BASP1: variants seen among roughly 807,000 people sequenced by gnomAD.
BASP1 encodes brain acid soluble protein 1.
BASP1 carries 1 observed loss-of-function variant against 2.2 expected under a neutral mutation model. The ratio of observed to expected loss-of-function variants is 0.46; its 90% CI spans 0.16 to 2.17. The LOEUF (loss-of-function observed/expected upper bound fraction) is 2.17, where lower values mean the gene tolerates loss of function less well. BASP1 is among the 30% of genes most tolerant of loss of function. The pLI is 0.27. For synonymous variants in BASP1, 187 were observed against 154.2 expected, an observed-to-expected ratio of 1.21 and a Z score of -1.58; for missense variants, 352 against 327.2, an observed-to-expected ratio of 1.08 and a Z score of -0.58.
intron 1 of BASP1, among the ~76,000 whole-genome samples, chr5:17,254,223 G>C (rs1740156774): frequency 6.6e-6 from 1 of 152,148 alleles, no homozygotes; most frequent in African/African-American, 2.4e-5. Context: ...CTTTTTAGCA[G>C]TTAGTTCTCA....
rs370629000 is a variant in BASP1 at position 17,218,148 on chromosome 5, C to G, written c.-10+338C>G. On this transcript the variant is annotated intron_variant, in intron 1 of 1. Coordinates refer to ENST00000322611, the MANE Select transcript of BASP1 (RefSeq NM_006317.5). ...ACGGGAGGAATTGCCGAATGCGAAA[C>G]CCCCTCAGTGCGTTGAGTCCCGGGG... 1.4e-4 allele frequency among the ~76,000 whole-genome samples: 21 copies of G among 151,952 alleles called. No individual in the cohort carries two copies. In the East Asian group the frequency reaches 3.7e-3, roughly 27 times the overall value.
Position 17,275,559 on chromosome 5 carries a change from G to A in BASP1, c.343G>A (p.Ala115Thr), listed in dbSNP as rs1237362267. 1.4e-6 allele frequency: 2 copies of A among 1,395,620 alleles called. No individual in the cohort carries two copies. The highest frequency in any genetic ancestry group is 1.9e-6 in the Non-Finnish European group (2 of 1,079,096). 86.5% of individuals were successfully genotyped at this position (1,395,620 alleles called of 1,614,324 possible). ...GGAGCAGGCGGCCCCCGGCCCCGCT[G>A]CGGGCGGCGAGGCCCCCAAAGCTGC... is the stretch of plus-strand genomic sequence containing the variant. ...EQEQAAPGPA[A>T]GGEAPKAAEA... The change falls in exon 2 of 2, where the codon GCG (alanine) becomes ACG (threonine). Residue 115 changes from alanine (A) to threonine (T), a missense_variant. By Grantham distance (58) the Ala-to-Thr change is moderately conservative. Transcript: ENST00000322611. This position sits in a 1 kb window ranked among gnomAD's most constrained non-coding sequence, Gnocchi z 5.3.
At chr5:17,270,134 G>A (rs1197602142) in intron 1 of BASP1, among the ~76,000 whole-genome samples, 1 of 152,064 alleles carries the variant, frequency 6.6e-6, no homozygotes, top group East Asian at 1.9e-4. Flanking sequence ...CTGAGTAGCT[G>A]GGATTACAGG....
chr5:17,257,810 A>T (rs1740243812), intron 1 of BASP1, among the ~76,000 whole-genome samples: 1 of 152,224 alleles, frequency 6.6e-6, no homozygotes, highest in African/African-American at 2.4e-5. Context: ...TTCTGAAAAC[A>T]GTATTGTCTC....
chr5:17,268,711 T>C (rs1315142743), intron 1 of BASP1, among the ~76,000 whole-genome samples: 4 of 152,208 alleles, frequency 2.6e-5, no homozygotes, highest in Admixed American at 2.6e-4. Context: ...ATTGGAAAAC[T>C]CGGTAGAGGA....
chr5:17,244,167 A>G (rs1318167936), intron 1 of BASP1, among the ~76,000 whole-genome samples: 3 of 152,212 alleles, frequency 2.0e-5, no homozygotes, highest in African/African-American at 7.2e-5. Context: ...GGAGGACACA[A>G]TAATTAAGTG....
chr5:17,265,830 T>C (rs1160511640), intron 1 of BASP1, among the ~76,000 whole-genome samples: 1 of 152,170 alleles, frequency 6.6e-6, no homozygotes, highest in Non-Finnish European at 1.5e-5. Flanking sequence ...ATATATAGGG[T>C]TGTGTCTTTA....
chr5:17,223,648 G>A lies in BASP1; in HGVS notation c.-10+5838G>A, dbSNP rs150851662. On this transcript the variant is annotated intron_variant, in intron 1 of 1. Transcript: ENST00000322611. ...GAATTTGTACTTTTTTTAATTGAAGGAAAAAAATGAAAGTCCTTGGAACTT... is the reference window on the plus strand; with the variant it reads ...GAATTTGTACTTTTTTTAATTGAAGAAAAAAAATGAAAGTCCTTGGAACTT... Among the ~76,000 whole-genome samples, 77 of 151,984 alleles carry A rather than the reference G, an allele frequency of 5.1e-4. 2 individuals are homozygous for A. The East Asian group carries it at 0.014, about 27-fold the overall frequency.
intron 1 of BASP1, among the ~76,000 whole-genome samples, chr5:17,274,899 T>C (rs1375581661): frequency 6.6e-6 from 1 of 152,162 alleles, no homozygotes; most frequent in East Asian, 1.9e-4. Context: ...GCGTGGTGGG[T>C]ACACCTGTGG....
At chr5:17,274,173 C>A (rs891797575) in intron 1 of BASP1, among the ~76,000 whole-genome samples, 2 of 152,184 alleles carry the variant, frequency 1.3e-5, no homozygotes, top group East Asian at 3.9e-4. Flanking sequence ...GACCATTGAA[C>A]GTGCATGTAT....
At chr5:17,239,681 C>T (rs540815735) in intron 1 of BASP1, among the ~76,000 whole-genome samples, 1 of 152,204 alleles carries the variant, frequency 6.6e-6, no homozygotes, top group African/African-American at 2.4e-5. Context: ...CTAGTTAGGA[C>T]CCAGTTAGGA....
In BASP1 at chr5:17,260,829, A is replaced by G. The variant is rs970389915; in HGVS notation, c.-9-14379A>G. Among the ~76,000 whole-genome samples, 6 of 152,236 alleles carry G rather than the reference A, an allele frequency of 3.9e-5. No individual in the cohort carries two copies. Among genetic ancestry groups the G allele is most frequent in the Non-Finnish European group, 4.4e-5 (3 of 68,044 alleles). ...CCTAGGTCAAGATTCAAGTGAAGTC[A>G]GGCAAGCCTATTTTACTGCTAAAAC... On this transcript the variant is annotated intron_variant, in intron 1 of 1. Transcript: ENST00000322611. This position sits in a 1 kb window ranked among gnomAD's most constrained non-coding sequence, Gnocchi z 4.2.
intron 1 of BASP1, among the ~76,000 whole-genome samples, chr5:17,273,221 C>T (rs924659705): frequency 5.3e-5 from 8 of 151,920 alleles, no homozygotes; most frequent in African/African-American, 7.3e-5. Context: ...AATATTGATC[C>T]GGTTTATTTC....
intron 1 of BASP1, among the ~76,000 whole-genome samples, chr5:17,272,949 C>A (rs1740559241): frequency 6.6e-6 from 1 of 152,148 alleles, no homozygotes; most frequent in Non-Finnish European, 1.5e-5. Flanking sequence ...GAAAGCAGCA[C>A]CCCATGTTAT....
Position 17,226,227 on chromosome 5 carries a change from A to ACTTC in BASP1, c.-10+8418_-10+8421dup, listed in dbSNP as rs1202438327. ...ATTCCTAAAATAAACCAAAATTAAAACTTCTTTGTCTTTTTAAAGAAAAGC... is the reference window on the plus strand; with the variant it reads ...ATTCCTAAAATAAACCAAAATTAAAACTTCCTTCTTTGTCTTTTTAAAGAAAAGC... On this transcript the variant is annotated intron_variant, in intron 1 of 1. Transcript: ENST00000322611. Among the ~76,000 whole-genome samples the ACTTC allele has an allele frequency of 2.0e-5, 3 of 152,348 alleles. No individual in the cohort carries two copies. The East Asian group carries it at 5.8e-4, about 29-fold the overall frequency.
intron 1 of BASP1, among the ~76,000 whole-genome samples, chr5:17,242,861 A>C (rs1031071593): frequency 6.6e-6 from 1 of 151,434 alleles, no homozygotes; most frequent in African/African-American, 2.4e-5. Context: ...AAAAAAAAAA[A>C]GGTAATCGTA....
intron 1 of BASP1, among the ~76,000 whole-genome samples, chr5:17,261,988 C>T (rs560967132): frequency 2.0e-5 from 3 of 152,282 alleles, no homozygotes; most frequent in Middle Eastern, 6.8e-3. Context: ...GATCAATTTG[C>T]GCCATCTCTT....
intron 1 of BASP1, among the ~76,000 whole-genome samples, chr5:17,257,078 C>T (rs1443409640): frequency 6.6e-6 from 1 of 152,144 alleles, no homozygotes; most frequent in Non-Finnish European, 1.5e-5. Context: ...TCTCCTGGGA[C>T]TTAGAACACA....
Position 17,228,347 on chromosome 5 carries a change from G to A in BASP1, c.-10+10537G>A, listed in dbSNP as rs191789008. Among the ~76,000 whole-genome samples the A allele has an allele frequency of 1.0e-3, 158 of 152,278 alleles. 3 individuals are homozygous for A. The highest frequency in any genetic ancestry group is 4.6e-4 in the Non-Finnish European group (31 of 68,028). ...TGCAGAGAGAGGTAACTATCCAATG[G>A]AATGGTAACATGGTTCCACTACGGT... On this transcript the variant is annotated intron_variant, in intron 1 of 1. Coordinates refer to ENST00000322611, the MANE Select transcript of BASP1 (RefSeq NM_006317.5).
Sources: allele counts gnomAD v4.1 joint callset (sites outside exome capture counted in the v4.1 genomes callset), GRCh38; gene constraint gnomAD v4.1.1; non-coding constraint Gnocchi (gnomAD v3.1); transcripts MANE v1.5; gene names NCBI Gene and HGNC (gene_info 2026-07-23, HGNC 2026-07-21).